TENM4: variants seen among roughly 807,000 people sequenced by gnomAD.
TENM4 encodes the protein teneurin-4.
Under a neutral mutation model 243.3 loss-of-function variants are expected in TENM4, and 82 were observed. The observed-to-expected ratio is 0.34, with a 90% CI of 0.28 to 0.40. The LOEUF (loss-of-function observed/expected upper bound fraction) is 0.40. Among genes scored for constraint, TENM4 ranks in the 10% least tolerant of loss-of-function variants. TENM4 has a pLI of 1.00. For missense variants in TENM4, 3,138 were observed against 3,673.3 expected, an observed-to-expected ratio of 0.85 and a Z score of 3.77; for synonymous variants, 1,412 against 1,456.3, an observed-to-expected ratio of 0.97 and a Z score of 0.69.
intron 1 of TENM4, among the ~76,000 whole-genome samples, chr11:79,337,519 T>A (rs1343334760): frequency 6.6e-6 from 1 of 152,174 alleles, no homozygotes; most frequent in Non-Finnish European, 1.5e-5. Flanking sequence ...CTGGGGTAGT[T>A]ACCAGAGGGG....
intron 6 of TENM4, among the ~76,000 whole-genome samples, chr11:78,941,147 C>T (rs567235804): frequency 1.3e-5 from 2 of 152,272 alleles, no homozygotes; most frequent in African/African-American, 4.8e-5. Context: ...GCACCGGATC[C>T]CCGTGGGCTT....
intron 1 of TENM4, among the ~76,000 whole-genome samples, chr11:79,381,267 A>AC (rs59727675): frequency 0.11 from 17,022 of 150,994 alleles, 1,057 homozygotes; most frequent in African/African-American, 0.16. Context: ...CTAAACAAGT[A>AC]CCCCCTCAGG....
At chr11:78,850,899 T>G (rs569815466) in intron 12 of TENM4, among the ~76,000 whole-genome samples, 1 of 152,262 alleles carries the variant, frequency 6.6e-6, no homozygotes, top group African/African-American at 2.4e-5. Context: ...AGAGCTAACA[T>G]GTGACAGTGG....
chr11:78,962,488 C>T (rs1488430040), intron 6 of TENM4, among the ~76,000 whole-genome samples: 2 of 150,128 alleles, frequency 1.3e-5, no homozygotes, highest in African/African-American at 4.9e-5. Context: ...CGATCTACTG[C>T]ACACGTGGGC....
intron 19 of TENM4, among the ~76,000 whole-genome samples, chr11:78,746,069 C>T (rs539296523): frequency 6.6e-6 from 1 of 152,316 alleles, no homozygotes; most frequent in Admixed American, 6.5e-5. Context: ...TTTTCTGCCT[C>T]AGCCTCCCCA....
At chr11:78,985,994 T>A (rs905317775) in intron 6 of TENM4, among the ~76,000 whole-genome samples, 1 of 152,238 alleles carries the variant, frequency 6.6e-6, no homozygotes, top group African/African-American at 2.4e-5. Flanking sequence ...AAATCCCTGG[T>A]GTCCCTCCAA....
At chr11:79,195,414 C>A (rs945596571) in intron 3 of TENM4, among the ~76,000 whole-genome samples, 10 of 152,112 alleles carry the variant, frequency 6.6e-5, no homozygotes, top group African/African-American at 1.7e-4. Context: ...TCAACAACAG[C>A]CCGTGAAAGC....
intron 25 of TENM4, among the ~76,000 whole-genome samples, chr11:78,714,637 C>T (rs973168972): frequency 1.3e-5 from 2 of 152,202 alleles, no homozygotes; most frequent in Non-Finnish European, 2.9e-5. Flanking sequence ...CTCCCTGCCC[C>T]TGCACAAATC....
In TENM4 at chr11:78,997,052, GGTAGGGTGGGT is replaced by G. The variant is rs527678610; in HGVS notation, c.493+67675_493+67685del. The stretch of plus-strand genomic sequence containing the variant: ...GTCCTGTGCAAGTTGTTGGGGCGGG[GGTAGGGTGGGT>G]GTAGGAATACAGGAAATTTGGATTA... On this transcript the variant is annotated intron_variant, in intron 6 of 33. Transcript: ENST00000278550. 6.8e-4 allele frequency among the ~76,000 whole-genome samples: 104 copies of G among 152,312 alleles called. 3 individuals are homozygous for G. The South Asian group carries it at 0.02, about 29-fold the overall frequency.
At chr11:79,029,061 T>A (rs1243825711) in intron 6 of TENM4, among the ~76,000 whole-genome samples, 1 of 152,196 alleles carries the variant, frequency 6.6e-6, no homozygotes. Flanking sequence ...CAAAATATAT[T>A]TTTTAATACA....
chr11:79,320,652 C>T (rs1322973057), intron 1 of TENM4, among the ~76,000 whole-genome samples: 2 of 152,084 alleles, frequency 1.3e-5, no homozygotes, highest in East Asian at 3.9e-4. Context: ...GCATTTTAGC[C>T]ACATTGCAAC....
chr11:78,913,709 G>C (rs1275687262), intron 6 of TENM4, among the ~76,000 whole-genome samples: 1 of 151,698 alleles, frequency 6.6e-6, no homozygotes, highest in Admixed American at 6.6e-5. Context: ...ATGTAGGTAG[G>C]CTGCATTCAC....
intron 7 of TENM4, among the ~76,000 whole-genome samples, chr11:78,898,514 C>T (rs1855846767): frequency 6.6e-6 from 1 of 152,178 alleles, no homozygotes; most frequent in Non-Finnish European, 1.5e-5. Flanking sequence ...GCCCAACCTG[C>T]TCTGTTGGGC....
At chr11:79,204,431 C>T (rs1421426485) in intron 3 of TENM4, among the ~76,000 whole-genome samples, 1 of 152,164 alleles carries the variant, frequency 6.6e-6, no homozygotes. Context: ...ATGGCCTGGG[C>T]ACCTATCTCT....
At chr11:79,268,897 T>C (rs1341872658) in intron 2 of TENM4, among the ~76,000 whole-genome samples, 1 of 152,210 alleles carries the variant, frequency 6.6e-6, no homozygotes, top group Non-Finnish European at 1.5e-5. Context: ...GCAAAATGTA[T>C]GTGCTAGATA....
chr11:78,872,679 T>A (rs1265782281), intron 9 of TENM4, among the ~76,000 whole-genome samples: 2 of 152,208 alleles, frequency 1.3e-5, no homozygotes, highest in Non-Finnish European at 2.9e-5. Flanking sequence ...AAGAGAAATG[T>A]GTGTTTAGTT....
chr11:79,352,688 G>T (rs982512039), intron 1 of TENM4, among the ~76,000 whole-genome samples: 1 of 152,194 alleles, frequency 6.6e-6, no homozygotes, highest in Non-Finnish European at 1.5e-5. Flanking sequence ...GCCAGCTGTG[G>T]AGTCCCATAG....
At chr11:79,217,578 C>G (rs1201656421) in intron 2 of TENM4, among the ~76,000 whole-genome samples, 1 of 152,126 alleles carries the variant, frequency 6.6e-6, no homozygotes, top group African/African-American at 2.4e-5. Flanking sequence ...TTGTCTTCAT[C>G]TACATTTACT....
At chr11:79,029,461 AT>A (rs1386048632) in intron 6 of TENM4, among the ~76,000 whole-genome samples, 1 of 152,172 alleles carries the variant, frequency 6.6e-6, no homozygotes, top group African/African-American at 2.4e-5. Flanking sequence ...AGGGCAGTGT[AT>A]GGCTGGTTTA....
Sources: allele counts gnomAD v4.1 joint callset (sites outside exome capture counted in the v4.1 genomes callset), GRCh38; gene constraint gnomAD v4.1.1; transcripts MANE v1.5; gene names NCBI Gene and HGNC (gene_info 2026-07-23, HGNC 2026-07-21).